Variants in SEZ6 observed in about 807,000 individuals in gnomAD.
SEZ6 encodes the protein seizure protein 6 homolog.
In SEZ6, 53 loss-of-function variants were observed where a neutral mutation model predicts 101.0. The ratio of observed to expected loss-of-function variants is 0.52; its 90% CI spans 0.42 to 0.66. The LOEUF (loss-of-function observed/expected upper bound fraction) is 0.66. Ranked by LOEUF, SEZ6 falls within the 30% of genes least tolerant of loss-of-function variation. SEZ6 has a pLI of 0.00. For synonymous variants in SEZ6, 488 were observed against 512.2 expected (o/e 0.95, Z 0.64); for missense variants, 1,102 against 1,289.4 (o/e 0.85, Z 2.23).
At chr17:28,980,877 A>G (rs2041290720) in intron 2 of SEZ6, among the ~76,000 whole-genome samples, 1 of 152,048 alleles carries the variant, frequency 6.6e-6, no homozygotes, top group Non-Finnish European at 1.5e-5. Context: ...TCCTAGGGTC[A>G]TGTTATAGTT....
At chr17:29,004,698 A>G (rs1376243151) in intron 1 of SEZ6, among the ~76,000 whole-genome samples, 1 of 152,008 alleles carries the variant, frequency 6.6e-6, no homozygotes, top group Non-Finnish European at 1.5e-5. Flanking sequence ...GGCCCTTCAA[A>G]CCATATGGCA....
At chr17:28,970,451 C>A (rs540367831) in intron 3 of SEZ6, among the ~76,000 whole-genome samples, 1 of 152,328 alleles carries the variant, frequency 6.6e-6, no homozygotes, top group South Asian at 2.1e-4. Context: ...TGACTGTCTT[C>A]CCCTAGCCAG....
rs1446441825 is a variant in SEZ6, at chr17:28,959,871, T to C, written c.1598A>G (p.Tyr533Cys). The change falls in exon 8 of 17, where the codon TAT becomes TGT. Residue 533 changes from tyrosine (Y) to cysteine (C), a missense_variant. Tyr to Cys is a radical substitution (Grantham distance 194). Transcript: ENST00000317338. This position sits in a 1 kb window ranked among gnomAD's most constrained non-coding sequence, Gnocchi z 4.4. ...GTTACCGTATTTGACAAAGGGCTCA[T>C]AGCAATGGCCCTGCTGGAAGGCTGT... ...RYEAFQQGHC[Y>C]EPFVKYGNFS... 2 of 1,611,764 alleles carry C rather than the reference T, an allele frequency of 1.2e-6. No individual in the cohort carries two copies. Among genetic ancestry groups the C allele is most frequent in the Non-Finnish European group, 8.5e-7 (1 of 1,178,940 alleles).
rs995621626 is a variant in SEZ6 at position 28,955,636 on chromosome 17, A to G, written c.*326T>C. 1.0e-5 allele frequency: 6 copies of G among 571,470 alleles called. No individual in the cohort carries two copies. In the African/African-American group the frequency reaches 1.1e-4, roughly 11 times the overall value. 35.4% of individuals were successfully genotyped at this position (571,470 alleles called of 1,614,324 possible). On this transcript the variant is annotated 3_prime_UTR_variant, in exon 17 of 17. Transcript: ENST00000317338. Reference sequence around the variant, plus strand: ...TGGAGAAAGGTACTCCTGCTCTGCTAGTGTGTTCCAGGCTGGTCCAGGGCA... The same window carrying G: ...TGGAGAAAGGTACTCCTGCTCTGCTGGTGTGTTCCAGGCTGGTCCAGGGCA...
At chr17:28,967,171 T>C (rs2041083575) in intron 4 of SEZ6, among the ~76,000 whole-genome samples, 1 of 152,222 alleles carries the variant, frequency 6.6e-6, no homozygotes, top group Admixed American at 6.5e-5. Flanking sequence ...CCTGCTGTTA[T>C]TGTTTGTAAT....
At chr17:28,963,048 T>C (rs1286168847) in intron 5 of SEZ6, among the ~76,000 whole-genome samples, 1 of 148,194 alleles carries the variant, frequency 6.7e-6, no homozygotes, top group Non-Finnish European at 1.5e-5. Context: ...GGCGTGAACC[T>C]GGGAGGCAGA....
At chr17:28,957,294 C>T (rs2040896533) in intron 12 of SEZ6, 52 bp from the exon 13 acceptor site, 1 of 1,611,068 alleles carries the variant, frequency 6.2e-7, no homozygotes. Context: ...GCCTCCAGGG[C>T]AGCATCTTTT....
In SEZ6 at chr17:28,986,533, G is replaced by T. The variant is rs559910890; in HGVS notation, c.56-4494C>A. 1.4e-4 allele frequency among the ~76,000 whole-genome samples: 22 copies of T among 152,314 alleles called. 1 individual carries two copies. The South Asian group carries it at 3.9e-3, about 27-fold the overall frequency. ...CTGTCTTATAGATGGGGAAACCGAG[G>T]CTCAGTGAGGCCCAGGAGCTTGCCC... is the stretch of plus-strand genomic sequence containing the variant. On this transcript the variant is annotated intron_variant, in intron 1 of 16. Coordinates refer to ENST00000317338, the MANE Select transcript of SEZ6 (RefSeq NM_178860.5).
rs2041670538 is a variant in SEZ6 at position 29,005,192 on chromosome 17, G to T, written c.55+623C>A. ...GCTGCTGCAGCCGAGGGCAGAGCCA[G>T]GAGCCAGATAGGGGGTCCAGGCCCT... is the stretch of plus-strand genomic sequence containing the variant. On this transcript the variant is annotated intron_variant, in intron 1 of 16. Transcript: ENST00000317338. The surrounding 1 kb of genome is among the most constrained non-coding windows in gnomAD (Gnocchi z 4.8). Among the ~76,000 whole-genome samples, 1 of 152,228 alleles carries T rather than the reference G, an allele frequency of 6.6e-6. No individual in the cohort carries two copies. Among genetic ancestry groups the T allele is most frequent in the East Asian group, 1.9e-4 (1 of 5,154 alleles).
rs750603538 is a variant in SEZ6 at position 28,981,858 on chromosome 17, C to T, written c.237G>A (p.Glu79=). Residue 79 remains glutamate, a synonymous_variant, in exon 2 of 17, where the codon GAG becomes GAA. Coordinates refer to ENST00000317338, the MANE Select transcript of SEZ6 (RefSeq NM_178860.5). ...GCTCCTCATCTCCCTTTTCCAGCCC[C>T]TCTTGTAGGAATTCCTCAAGCAGCG... ...HHPLLEEFLQ[E]GLEKGDEELR... The T allele has an allele frequency of 6.2e-7, 1 of 1,613,930 alleles. No homozygotes were observed. Among genetic ancestry groups the T allele is most frequent in the South Asian group, 1.1e-5 (1 of 91,086 alleles).
chr17:28,956,736 T>C lies in SEZ6; in HGVS notation c.2714A>G (p.Asn905Ser). ...CRAASLDGFY[N>S]SRSLDVAKAP... Reference sequence around the variant, plus strand: ...AGACTTACCATCCAGGCTGCGACTGTTGTAGAACCCATCCAGAGAGGCTGG... The same window carrying C: ...AGACTTACCATCCAGGCTGCGACTGCTGTAGAACCCATCCAGAGAGGCTGG... The change falls in exon 14 of 17, where the codon AAC becomes AGC. Residue 905 changes from asparagine to serine, a missense_variant. This residue lies in a region of SEZ6 where 140 missense variants were observed against 135.7 expected (regional missense o/e 1.03). Coordinates refer to ENST00000317338, the MANE Select transcript of SEZ6 (RefSeq NM_178860.5). 1 of 1,563,618 alleles carries C rather than the reference T, an allele frequency of 6.4e-7. No homozygotes were observed. The highest frequency in any genetic ancestry group is 8.7e-7 in the Non-Finnish European group (1 of 1,153,806).
intron 1 of SEZ6, among the ~76,000 whole-genome samples, chr17:29,000,132 T>G (rs999766972): frequency 6.6e-6 from 1 of 152,232 alleles, no homozygotes; most frequent in African/African-American, 2.4e-5. Flanking sequence ...GCCTGGCACA[T>G]AGTTGGTACC....
rs769184336 is a variant in SEZ6, at chr17:28,959,046, C to T, written c.2086G>A (p.Gly696Ser). The change falls in exon 10 of 17, where the codon GGC becomes AGC. Residue 696 changes from glycine (G) to serine (S), a missense_variant. Gly to Ser is a moderately conservative substitution (Grantham distance 56, BLOSUM62 0). This residue lies in a region of SEZ6 where 556 missense variants were observed against 735.1 expected (regional missense o/e 0.76). Transcript: ENST00000317338. This position sits in a 1 kb window ranked among gnomAD's most constrained non-coding sequence, Gnocchi z 4.4. ...PGTSVLGYQQ[G>S]FVIHFFEVPR... ...TCACCAAAGAAGTGGATGACGAAGC[C>T]CTGCTGGTAGCCCAGCACTGAGGTC... The T allele has an allele frequency of 1.2e-6, 2 of 1,613,338 alleles. No individual in the cohort carries two copies. Among genetic ancestry groups the T allele is most frequent in the South Asian group, 1.1e-5 (1 of 91,012 alleles).
At position 29,002,800 on chromosome 17, in the gene SEZ6, G is replaced by A. The variant is rs1198888242; in HGVS notation, c.55+3015C>T. On this transcript the variant is annotated intron_variant, in intron 1 of 16. Transcript: ENST00000317338. ...GCAGGAAGCAGCAATTACCATTTTAGGTTAAGGCAGCCCTCGTTTGTTAAC... is the reference window on the plus strand; with the variant it reads ...GCAGGAAGCAGCAATTACCATTTTAAGTTAAGGCAGCCCTCGTTTGTTAAC... Among the ~76,000 whole-genome samples, 11 of 152,216 alleles carry A rather than the reference G, an allele frequency of 7.2e-5. No individual in the cohort carries two copies. The East Asian group carries it at 2.1e-3, about 29-fold the overall frequency.
chr17:28,993,140 GATAA>G (rs2041488745), intron 1 of SEZ6, among the ~76,000 whole-genome samples: 1 of 152,074 alleles, frequency 6.6e-6, no homozygotes, highest in Non-Finnish European at 1.5e-5. Flanking sequence ...TCACCAGTCT[GATAA>G]ATAATCAATC....
chr17:28,975,904 A>T (rs996601842), intron 3 of SEZ6, among the ~76,000 whole-genome samples: 13 of 152,228 alleles, frequency 8.5e-5, no homozygotes, highest in Non-Finnish European at 1.8e-4. Flanking sequence ...GGCTCTTGGA[A>T]TGCCAAGTGC....
intron 1 of SEZ6, among the ~76,000 whole-genome samples, chr17:28,985,067 C>T (rs539825119): frequency 6.6e-6 from 1 of 152,296 alleles, no homozygotes; most frequent in East Asian, 1.9e-4. Flanking sequence ...GGCAAGGACT[C>T]GCCTGAAGTC....
In SEZ6 at chr17:28,959,539, G is replaced by C; in HGVS notation, c.1772-67C>G. 1 of 1,577,970 alleles carries C rather than the reference G, an allele frequency of 6.3e-7. No homozygotes were observed. The highest frequency in any genetic ancestry group is 1.3e-5 in the African/African-American group (1 of 74,542). Reference sequence around the variant, plus strand: ...CCATGGTGTTGCTTACCATCTGCCCGCAGGAGTGCCCACAAATTGCTGGGA... The same window carrying C: ...CCATGGTGTTGCTTACCATCTGCCCCCAGGAGTGCCCACAAATTGCTGGGA... On this transcript the variant is annotated intron_variant, in intron 8 of 16. Transcript: ENST00000317338. This position sits in a 1 kb window ranked among gnomAD's most constrained non-coding sequence, Gnocchi z 4.4.
intron 3 of SEZ6, among the ~76,000 whole-genome samples, chr17:28,970,425 C>G (rs1285242893): frequency 3.3e-5 from 5 of 152,230 alleles, no homozygotes; most frequent in Non-Finnish European, 4.4e-5. Flanking sequence ...TCACACCCAG[C>G]CTGCCTCATG....
Sources: gnomAD v4.1 joint callset for allele counts (sites outside exome capture counted in the v4.1 genomes callset) on GRCh38, gnomAD v4.1.1 for gene constraint, gnomAD v4.1.1 regional missense constraint, Gnocchi (gnomAD v3.1) non-coding constraint, MANE v1.5 for transcripts, NCBI Gene and HGNC (gene_info 2026-07-23, HGNC 2026-07-21) for gene names.